Variants in TCF3 observed in about 807,000 individuals in gnomAD.
The protein encoded by TCF3 is transcription factor E2-alpha.
TCF3 carries 54 observed loss-of-function variants against 72.3 expected under a neutral mutation model. The observed-to-expected ratio is 0.75, with a 90% CI of 0.60 to 0.94. The LOEUF is 0.94. Among genes scored for constraint, TCF3 ranks in the 40% least tolerant of loss-of-function variants. TCF3 has a pLI of 0.00. For missense variants in TCF3, 1,078 were observed against 934.4 expected (o/e 1.15, Z -2.00); for synonymous variants, 525 against 412.6 (o/e 1.27, Z -3.30).
rs1004107524 is a variant in TCF3, at chr19:1,614,531, C to T, written c.1822+754G>A. Among the ~76,000 whole-genome samples the T allele has an allele frequency of 5.3e-5, 8 of 152,144 alleles. No homozygotes were observed. The highest frequency in any genetic ancestry group is 1.3e-4 in the Admixed American group (2 of 15,284). On this transcript the variant is annotated intron_variant, in intron 18 of 18. Coordinates refer to ENST00000262965, the MANE Select transcript of TCF3 (RefSeq NM_003200.5). This position sits in a 1 kb window ranked among gnomAD's most constrained non-coding sequence, Gnocchi z 5.6. ...TGGGGGGCGCGAGGCGTGCCACACA[C>T]GGCTGCAGAGACTCGGAAACCTTAG... is the stretch of plus-strand genomic sequence containing the variant.
chr19:1,651,402 C>G (rs919228287), intron 1 of TCF3: 9 of 227,864 alleles, frequency 3.9e-5, no homozygotes, highest in Admixed American at 5.7e-5. Context: ...CAGCGCAGCC[C>G]CTCCCCCGCT....
At chr19:1,630,235 G>T (rs777731747) in intron 5 of TCF3, among the ~76,000 whole-genome samples, 37 of 152,134 alleles carry the variant, frequency 2.4e-4, no homozygotes, top group Non-Finnish European at 4.0e-4. Flanking sequence ...GCTCCCAGGT[G>T]CAGGGGCCAC....
At position 1,625,258 on chromosome 19, in the gene TCF3, T is replaced by C. The variant is rs1599674276; in HGVS notation, c.499+318A>G. Among the ~76,000 whole-genome samples, 3 of 152,250 alleles carry C rather than the reference T, an allele frequency of 2.0e-5. No homozygotes were observed. The South Asian group carries it at 6.2e-4, about 32-fold the overall frequency. ...TGCCCGCGTGTGCAGCAGGGCTCAG[T>C]GCAGAGGAGCCACGATGCAGCCCCA... On this transcript the variant is annotated intron_variant, in intron 7 of 18. Transcript: ENST00000262965.
chr19:1,625,517 A>C (rs2062776519), intron 7 of TCF3, 59 bp downstream of exon 7: 44 of 1,486,728 alleles, frequency 3.0e-5, no homozygotes, highest in African/African-American at 4.4e-5. Flanking sequence ...GAAGCCTCCT[A>C]CCTCCCTTTG....
chr19:1,621,220 C>A (rs372665123), intron 11 of TCF3, 29 bp from the exon 12 acceptor site: 44 of 1,530,530 alleles, frequency 2.9e-5, no homozygotes, highest in African/African-American at 5.5e-5. Context: ...GAGGCCCACG[C>A]AGCCCGGCCT....
At chr19:1,648,932 G>A (rs2066567119) in intron 2 of TCF3, among the ~76,000 whole-genome samples, 2 of 152,050 alleles carry the variant, frequency 1.3e-5, no homozygotes, top group South Asian at 4.1e-4. Context: ...GTACCAGCAG[G>A]CAAACCGAGG....
rs769758535 is a variant in TCF3, at chr19:1,619,329, C to T, written c.1313G>A (p.Arg438Gln). The change falls in exon 15 of 19, where the codon CGG becomes CAG. Residue 438 changes from arginine (R) to glutamine (Q), a missense_variant. Coordinates refer to ENST00000262965, the MANE Select transcript of TCF3 (RefSeq NM_003200.5). Reference sequence around the variant, plus strand: ...CCCAGCGCTCACCAGGCCTGCGTGCCGCCCGCCCAGTGACATGGGGCCGGT... The same window carrying T: ...CCCAGCGCTCACCAGGCCTGCGTGCTGCCCGCCCAGTGACATGGGGCCGGT... ...GFTGPMSLGG[R>Q]HAGLVGGSHP... 4.6e-5 allele frequency: 72 copies of T among 1,575,726 alleles called. No homozygotes were observed. Among genetic ancestry groups the T allele is most frequent in the East Asian group, 9.1e-5 (4 of 43,790 alleles).
At chr19:1,612,927 G>A (rs1161995896) in intron 18 of TCF3, among the ~76,000 whole-genome samples, 1 of 151,430 alleles carries the variant, frequency 6.6e-6, no homozygotes, top group Non-Finnish European at 1.5e-5. Context: ...GCTGGTGTGG[G>A]CAGCAGTGCG....
intron 2 of TCF3, among the ~76,000 whole-genome samples, chr19:1,649,129 C>A (rs1297881587): frequency 2.6e-5 from 4 of 152,174 alleles, no homozygotes; most frequent in Non-Finnish European, 5.9e-5. Flanking sequence ...GAAGCCGCCC[C>A]GCCCTCCCCA....
intron 3 of TCF3, among the ~76,000 whole-genome samples, chr19:1,646,093 C>T (rs771326117): frequency 6.6e-6 from 1 of 152,134 alleles, no homozygotes; most frequent in Non-Finnish European, 1.5e-5. Context: ...ACAAGCCCCA[C>T]CCAGCCCCCA....
At chr19:1,632,472 A>C in intron 3 of TCF3, 67 bp from the exon 4 acceptor site, 10 of 1,508,354 alleles carry the variant, frequency 6.6e-6, no homozygotes, top group South Asian at 1.2e-5. Flanking sequence ...GCTTCGGTTC[A>C]TCATCTCAGG....
intron 3 of TCF3, among the ~76,000 whole-genome samples, chr19:1,641,376 G>A (rs1319767622): frequency 6.6e-6 from 1 of 152,090 alleles, no homozygotes; most frequent in African/African-American, 2.4e-5. Flanking sequence ...CAGCACTCTG[G>A]GAGGCTGAGG....
chr19:1,611,210 G>A lies in TCF3; in HGVS notation c.*497C>T, dbSNP rs908225712. The A allele has an allele frequency of 2.2e-5, 6 of 266,768 alleles. No homozygotes were observed. Among genetic ancestry groups the A allele is most frequent in the Non-Finnish European group, 3.5e-5 (5 of 142,046 alleles). The allele number at this position is 266,768 out of a possible 1,614,324, so 16.5% of individuals were successfully genotyped here. A position where few individuals can be genotyped will look rare whatever the true frequency, so the allele number is the denominator to read the frequency against. ...TTATTTTCCTTAAAAAAAATATTTC[G>A]CTTAGGCACAATTTGCTGGTGGCTT... On this transcript the variant is annotated 3_prime_UTR_variant, in exon 19 of 19. Coordinates refer to ENST00000262965, the MANE Select transcript of TCF3 (RefSeq NM_003200.5).
intron 7 of TCF3, among the ~76,000 whole-genome samples, 153 bp downstream of exon 7, chr19:1,625,423 T>A (rs2062765506): frequency 6.6e-6 from 1 of 152,156 alleles, no homozygotes; most frequent in South Asian, 2.1e-4. Flanking sequence ...TCACCGTCCA[T>A]CCCTCCCACG....
chr19:1,619,414 C>T lies in TCF3; in HGVS notation c.1228G>A (p.Gly410Ser). ...AIHVLRSHAV[G>S]TAGDMHTLLP... ...AGCGTGTGCATGTCGCCGGCTGTGC[C>T]CACGGCGTGGCTGCGGAGCACGTGG... Residue 410 changes from glycine (G) to serine (S), a missense_variant, in exon 15 of 19, where the codon GGC (glycine) becomes AGC (serine). Transcript: ENST00000262965. 2 of 1,592,690 alleles carry T rather than the reference C, an allele frequency of 1.3e-6. No individual in the cohort carries two copies. The highest frequency in any genetic ancestry group is 1.7e-6 in the Non-Finnish European group (2 of 1,176,270).
rs1239148792 is a variant in TCF3 at position 1,621,173 on chromosome 19, G to A, written c.974C>T (p.Ala325Val). ...DSLLGSRGTT[A>V]GSSGDALGKA... The stretch of plus-strand genomic sequence containing the variant: ...GCCGAGGGCATCCCCGGAGCTGCCA[G>A]CTGTGGTCCCTCGGGAGCCTGTGGG... The change falls in exon 12 of 19, where the codon GCT becomes GTT. Residue 325 changes from alanine (A) to valine (V), a missense_variant. Transcript: ENST00000262965. 4 of 1,538,086 alleles carry A rather than the reference G, an allele frequency of 2.6e-6. No individual in the cohort carries two copies. Among genetic ancestry groups the A allele is most frequent in the Non-Finnish European group, 3.5e-6 (4 of 1,146,140 alleles).
In TCF3 at chr19:1,611,373, GA is replaced by G. The variant is rs554439572; in HGVS notation, c.*333del. On this transcript the variant is annotated 3_prime_UTR_variant, in exon 19 of 19. Transcript: ENST00000262965. ...GCTTGCTTTCAGGTTTTGTTTACTG[GA>G]AAAAAAAAAAATGCTCCTGTCAGCC... 53,791 of 281,658 alleles carry G rather than the reference GA, an allele frequency of 0.19. 553 individuals are homozygous for G. The highest frequency in any genetic ancestry group is 0.24 in the Middle Eastern group (248 of 1,028). The allele number at this position is 281,658 out of a possible 1,614,324, so 17.4% of individuals were successfully genotyped here.
In TCF3 at chr19:1,614,786, C is replaced by A. The variant is rs2061386844; in HGVS notation, c.1822+499G>T. Among the ~76,000 whole-genome samples, 1 of 152,026 alleles carries A rather than the reference C, an allele frequency of 6.6e-6. No homozygotes were observed. Among genetic ancestry groups the A allele is most frequent in the Non-Finnish European group, 1.5e-5 (1 of 67,968 alleles). On this transcript the variant is annotated intron_variant, in intron 18 of 18. Transcript: ENST00000262965. This position sits in a 1 kb window ranked among gnomAD's most constrained non-coding sequence, Gnocchi z 5.6. ...GGGAAATGGGGGTGATAGGAAGTTT[C>A]CCTATCACCTTCAGATAGGGAAACT...
At chr19:1,650,818 G>A in intron 1 of TCF3, 1 of 230,886 alleles carries the variant, frequency 4.3e-6, no homozygotes, top group Non-Finnish European at 8.6e-6. Flanking sequence ...AAATCCACAA[G>A]TCAGAAAACC....
Sources: gnomAD v4.1 joint callset for allele counts (sites outside exome capture counted in the v4.1 genomes callset) on GRCh38, gnomAD v4.1.1 for gene constraint, Gnocchi (gnomAD v3.1) non-coding constraint, MANE v1.5 for transcripts, NCBI Gene and HGNC (gene_info 2026-07-23, HGNC 2026-07-21) for gene names.